Variants in SNX8 observed in about 807,000 individuals in gnomAD.
SNX8 encodes sorting nexin-8.
A neutral mutation model predicts 51.6 loss-of-function variants in SNX8; 25 were observed. That is an observed-to-expected ratio of 0.48 (90% CI 0.35 to 0.68). The LOEUF (loss-of-function observed/expected upper bound fraction) is 0.68. Among genes scored for constraint, SNX8 ranks in the 30% least tolerant of loss-of-function variants. SNX8 has a pLI of 0.00. For missense variants in SNX8, 695 were observed against 624.0 expected, an observed-to-expected ratio of 1.11 and a Z score of -1.21; for synonymous variants, 324 against 277.0, an observed-to-expected ratio of 1.17 and a Z score of -1.68.
intron 9 of SNX8, 69 bp from the exon 10 acceptor site, chr7:2,257,092 AGC>A: frequency 6.7e-7 from 1 of 1,488,744 alleles, no homozygotes; most frequent in Non-Finnish European, 9.0e-7. Flanking sequence ...CCCGAACACC[AGC>A]GTGCTCCCTG....
At chr7:2,270,714 C>T (rs1047475019) in intron 4 of SNX8, among the ~76,000 whole-genome samples, 1 of 152,158 alleles carries the variant, frequency 6.6e-6, no homozygotes, top group Non-Finnish European at 1.5e-5. Flanking sequence ...CCGGGGGCAT[C>T]CCAGGGACAT....
chr7:2,345,586 G>A (rs1464178259), intron 1 of SNX8, among the ~76,000 whole-genome samples: 1 of 151,668 alleles, frequency 6.6e-6, no homozygotes, highest in Non-Finnish European at 1.5e-5. Flanking sequence ...GCTGAGGCAG[G>A]AGAATCACTT....
At chr7:2,321,783 C>T (rs1427710326) in intron 1 of SNX8, among the ~76,000 whole-genome samples, 2 of 125,944 alleles carry the variant, frequency 1.6e-5, no homozygotes, top group Admixed American at 9.7e-5. Flanking sequence ...ATGTTGCGAT[C>T]TCGGATCTCG....
At chr7:2,314,761 G>T (rs1239836252), upstream of SNX8, among the ~76,000 whole-genome samples, 1 of 152,158 alleles carries the variant, frequency 6.6e-6, no homozygotes, top group Admixed American at 6.5e-5. Flanking sequence ...ATCTCTCCTC[G>T]CCCAGTCACG....
intron 1 of SNX8, among the ~76,000 whole-genome samples, chr7:2,339,369 C>A (rs1184316886): frequency 6.6e-6 from 1 of 151,606 alleles, no homozygotes; most frequent in East Asian, 1.9e-4. Flanking sequence ...CCACGCCCAG[C>A]TAATTTTTTT....
chr7:2,342,127 C>T (rs1368148647), intron 1 of SNX8, among the ~76,000 whole-genome samples: 1 of 145,130 alleles, frequency 6.9e-6, no homozygotes, highest in African/African-American at 2.6e-5. Context: ...TGCAGTGAGC[C>T]GAGATCTCAC....
At chr7:2,335,133 T>C (rs1778803158) in intron 1 of SNX8, among the ~76,000 whole-genome samples, 1 of 149,718 alleles carries the variant, frequency 6.7e-6, no homozygotes, top group Non-Finnish European at 1.5e-5. Context: ...AAGGCGGAGT[T>C]TGCAGTGAGC....
chr7:2,306,346 G>A (rs932442007), intron 1 of SNX8, among the ~76,000 whole-genome samples: 5 of 151,728 alleles, frequency 3.3e-5, no homozygotes, highest in Non-Finnish European at 7.4e-5. Flanking sequence ...TGGCCAGGCT[G>A]TAATCCAGCC....
At chr7:2,295,948 G>A (rs1253097829) in intron 1 of SNX8, among the ~76,000 whole-genome samples, 4 of 152,114 alleles carry the variant, frequency 2.6e-5, no homozygotes, top group East Asian at 1.9e-4. Context: ...CTGTGTGCAC[G>A]TTTATACCAG....
intron 1 of SNX8, among the ~76,000 whole-genome samples, chr7:2,307,505 A>ATG (rs1796570495): frequency 6.6e-6 from 1 of 151,854 alleles, no homozygotes; most frequent in Non-Finnish European, 1.5e-5. Flanking sequence ...GGTGGTGGAC[A>ATG]CGTGTAATCC....
upstream of SNX8, chr7:2,314,484 G>C: frequency 1.7e-6 from 2 of 1,175,296 alleles, no homozygotes; most frequent in African/African-American, 1.6e-5. Flanking sequence ...CTGCCGCGCC[G>C]CGCCCTCGCC....
At chr7:2,314,285 C>G in intron 1 of SNX8, 43 bp downstream of exon 1, 1 of 1,217,202 alleles carries the variant, frequency 8.2e-7, no homozygotes, top group Non-Finnish European at 1.0e-6. Flanking sequence ...GGTCGGGCCG[C>G]GCGCCCTGGG....
intron 4 of SNX8, among the ~76,000 whole-genome samples, chr7:2,271,008 G>A (rs753773947): frequency 1.3e-5 from 2 of 152,220 alleles, no homozygotes; most frequent in African/African-American, 2.4e-5. Context: ...GCTGGCAGCT[G>A]CTTCCTCCTC....
intron 1 of SNX8, among the ~76,000 whole-genome samples, chr7:2,285,875 G>C (rs1050890009): frequency 1.3e-5 from 2 of 151,740 alleles, no homozygotes; most frequent in Non-Finnish European, 2.9e-5. Flanking sequence ...ATGCGGGGGG[G>C]TCTCACTATG....
chr7:2,299,971 G>A (rs1400721898), intron 1 of SNX8, among the ~76,000 whole-genome samples: 2 of 152,094 alleles, frequency 1.3e-5, no homozygotes, highest in Non-Finnish European at 1.5e-5. Context: ...GGAAGAAGGC[G>A]CACTTCCTTC....
chr7:2,288,067 G>C (rs1278954635), intron 1 of SNX8: 1 of 152,272 alleles, frequency 6.6e-6, no homozygotes, highest in African/African-American at 2.4e-5. Flanking sequence ...TACTGGCTGG[G>C]CAGAGTGGCT....
chr7:2,325,524 C>CA (rs1208265023), intron 1 of SNX8, among the ~76,000 whole-genome samples: 1 of 152,024 alleles, frequency 6.6e-6, no homozygotes, highest in Non-Finnish European at 1.5e-5. Flanking sequence ...GATGAGGGCT[C>CA]AGAATGTAAT....
intron 1 of SNX8, among the ~76,000 whole-genome samples, chr7:2,347,480 CAAAAA>C (rs749495262): frequency 7.6e-5 from 3 of 39,366 alleles, no homozygotes; most frequent in Non-Finnish European, 9.8e-5. Context: ...GATGCTGTCT[CAAAAA>C]AAAAAAAAAA....
rs1796718180 is a variant in SNX8, at chr7:2,314,350, C to T, written c.72G>A (p.Glu24=). 8.2e-7 allele frequency: 1 copy of T among 1,224,088 alleles called. No homozygotes were observed. The highest frequency in any genetic ancestry group is 1.0e-6 in the Non-Finnish European group (1 of 982,740). The allele number at this position is 1,224,088 out of a possible 1,614,324, so 75.8% of individuals were successfully genotyped here. ...VGAAAEAEAD[E]EADPPASDLP... ...TACCTGACGCCGGGGGATCCGCCTC[C>T]TCGTCAGCCTCCGCCTCAGCTGCCG... The change falls in exon 1 of 11, where the codon GAG becomes GAA. Residue 24 remains glutamate (E), a synonymous_variant. Transcript: ENST00000222990.
Sources: allele counts gnomAD v4.1 joint callset (sites outside exome capture counted in the v4.1 genomes callset), GRCh38; gene constraint gnomAD v4.1.1; transcripts MANE v1.5; gene names NCBI Gene and HGNC (gene_info 2026-07-23, HGNC 2026-07-21).